Variants in CCDC50 observed in about 807,000 individuals in gnomAD.
The protein encoded by CCDC50 is coiled-coil domain-containing protein 50.
CCDC50 carries 54 observed loss-of-function variants against 70.2 expected under a neutral mutation model. That is an observed-to-expected ratio of 0.77 (90% CI 0.62 to 0.96). The LOEUF is 0.96. Ranked by LOEUF, CCDC50 falls within the 50% of genes least tolerant of loss-of-function variation. The pLI is 0.00. For synonymous variants in CCDC50, 216 were observed against 198.8 expected (o/e 1.09, Z -0.73); for missense variants, 558 against 578.7 (o/e 0.96, Z 0.37).
intron 1 of CCDC50, among the ~76,000 whole-genome samples, chr3:191,335,547 G>C (rs1711506274): frequency 6.6e-6 from 1 of 152,094 alleles, no homozygotes; most frequent in Non-Finnish European, 1.5e-5. Flanking sequence ...AGAGTTCTCA[G>C]ATATTGCTTT....
chr3:191,343,191 C>G (rs1233963306), intron 1 of CCDC50, among the ~76,000 whole-genome samples: 1 of 152,148 alleles, frequency 6.6e-6, no homozygotes, highest in Non-Finnish European at 1.5e-5. Context: ...AACCAGTCCC[C>G]CTCACGTATA....
At chr3:191,390,984 A>C (rs1300588887) in intron 11 of CCDC50, among the ~76,000 whole-genome samples, 27 of 152,224 alleles carry the variant, frequency 1.8e-4, no homozygotes, top group Admixed American at 1.8e-3. Context: ...AATGGTGAAA[A>C]GGTAGTTTCT....
Position 191,375,858 on chromosome 3 carries a change from T to G in CCDC50, c.976+269T>G, listed in dbSNP as rs117512232. ...GCCCAGGTTGTATTAGAGGTACCCA[T>G]TCCAGATATAGTTCTTCATTTACCG... On this transcript the variant is annotated intron_variant, in intron 6 of 11. Coordinates refer to ENST00000392455, the MANE Select transcript of CCDC50 (RefSeq NM_178335.3). 6.6e-5 allele frequency among the ~76,000 whole-genome samples: 10 copies of G among 152,292 alleles called. No individual in the cohort carries two copies. The East Asian group carries it at 1.2e-3, about 18-fold the overall frequency.
chr3:191,349,931 G>A (rs1298669051), intron 1 of CCDC50, among the ~76,000 whole-genome samples: 6 of 135,170 alleles, frequency 4.4e-5, no homozygotes, highest in African/African-American at 1.3e-4. Flanking sequence ...AGAACTTAAT[G>A]CCCATTTATC....
At chr3:191,333,937 AAAATT>A (rs1576945503) in intron 1 of CCDC50, among the ~76,000 whole-genome samples, 1 of 152,164 alleles carries the variant, frequency 6.6e-6, no homozygotes, top group East Asian at 1.9e-4. Context: ...ATTACATAGA[AAAATT>A]AAAGAAAGTA....
intron 4 of CCDC50, among the ~76,000 whole-genome samples, chr3:191,364,326 C>G (rs1712602353): frequency 1.3e-5 from 2 of 151,878 alleles, no homozygotes; most frequent in South Asian, 4.2e-4. Context: ...CTCAGCCTCC[C>G]AAAGTGCTGA....
rs761087160 is a variant in CCDC50, at chr3:191,397,744, A to G, written c.*5984A>G. ...TAGGAAGTGCCCCTTTGATATTTGGAATGTGGATATATTTATAAAACAAAT... is the reference window on the plus strand; with the variant it reads ...TAGGAAGTGCCCCTTTGATATTTGGGATGTGGATATATTTATAAAACAAAT... On this transcript the variant is annotated 3_prime_UTR_variant, in exon 12 of 12. Transcript: ENST00000392455. The G allele has an allele frequency of 6.6e-6, 1 of 152,212 alleles. No individual in the cohort carries two copies. Among genetic ancestry groups the G allele is most frequent in the Non-Finnish European group, 1.5e-5 (1 of 68,042 alleles). 9.4% of individuals were successfully genotyped at this position (152,212 alleles called of 1,614,324 possible). A position where few individuals can be genotyped will look rare whatever the true frequency, so the allele number is the denominator to read the frequency against.
At chr3:191,358,218 C>G in intron 3 of CCDC50, 94 bp downstream of exon 3, 1 of 1,425,660 alleles carries the variant, frequency 7.0e-7, no homozygotes, top group Non-Finnish European at 9.8e-7. Flanking sequence ...ACTTCTGTTC[C>G]TCTGATTCCT....
chr3:191,390,112 A>G (rs1713635768), intron 11 of CCDC50, among the ~76,000 whole-genome samples: 3 of 151,932 alleles, frequency 2.0e-5, no homozygotes, highest in Admixed American at 1.3e-4. Flanking sequence ...TGCCTCCCAA[A>G]GTGCTGGGAT....
rs78393737 is a variant in CCDC50, at chr3:191,356,780, A to G, written c.50-308A>G. On this transcript the variant is annotated intron_variant, in intron 1 of 11. Coordinates refer to ENST00000392455, the MANE Select transcript of CCDC50 (RefSeq NM_178335.3). ...CAGCAGCACTTAACCCTCCATTTAT[A>G]GAAGTGGATTGGAATTTCTAGACCT... is the stretch of plus-strand genomic sequence containing the variant. Among the ~76,000 whole-genome samples, 56 of 152,302 alleles carry G rather than the reference A, an allele frequency of 3.7e-4. 3 individuals carry two copies. In the East Asian group the frequency reaches 0.01, roughly 27 times the overall value.
Position 191,389,597 on chromosome 3 carries a change from A to G in CCDC50, c.1424A>G (p.His475Arg), listed in dbSNP as rs774373767. Residue 475 changes from histidine to arginine, a missense_variant, in exon 11 of 12, where the codon CAT (histidine) becomes CGT (arginine). By Grantham distance (29) the His-to-Arg change is conservative. Transcript: ENST00000392455. ...CATTTCTCAAAATCAGAGTCCTCTC[A>G]TAAAGGTAAGAAGAGTATGTATGGT... ...TRHFSKSESSHKGFHYKH is the reference protein window; with the variant it reads ...TRHFSKSESSRKGFHYKH The G allele has an allele frequency of 1.2e-6, 2 of 1,610,894 alleles. No individual in the cohort carries two copies. Among genetic ancestry groups the G allele is most frequent in the Non-Finnish European group, 8.5e-7 (1 of 1,177,028 alleles).
Position 191,391,818 on chromosome 3 carries a change from C to T in CCDC50, c.*58C>T. ...CTATAGCAAATATTACTGGGTGATA[C>T]AGAATGAATTCTACACTTACTTTTT... is the stretch of plus-strand genomic sequence containing the variant. On this transcript the variant is annotated 3_prime_UTR_variant, in exon 12 of 12. Transcript: ENST00000392455. The T allele has an allele frequency of 6.8e-7, 1 of 1,473,274 alleles. No homozygotes were observed. 91.3% of individuals were successfully genotyped at this position (1,473,274 alleles called of 1,614,324 possible). A position where few individuals can be genotyped will look rare whatever the true frequency, so the allele number is the denominator to read the frequency against.
At chr3:191,329,991 C>T (rs1312421957) in intron 1 of CCDC50, among the ~76,000 whole-genome samples, 1 of 150,846 alleles carries the variant, frequency 6.6e-6, no homozygotes, top group Non-Finnish European at 1.5e-5. Flanking sequence ...TGGCTGTGCC[C>T]GTGTTCTCGT....
chr3:191,380,425 C>A, intron 7 of CCDC50, 151 bp downstream of exon 7: 1 of 708,768 alleles, frequency 1.4e-6, no homozygotes, highest in Non-Finnish European at 2.5e-6. Flanking sequence ...ATAGAGTATC[C>A]ACTTTTGCTT....
At chr3:191,370,475 T>G in intron 5 of CCDC50, among the ~76,000 whole-genome samples, 1 of 130,744 alleles carries the variant, frequency 7.6e-6, no homozygotes, top group Non-Finnish European at 1.7e-5. Context: ...GTTTTTTTTG[T>G]TTGTTTTTTT....
chr3:191,386,673 C>G (rs545296585), intron 10 of CCDC50, among the ~76,000 whole-genome samples: 1 of 152,286 alleles, frequency 6.6e-6, no homozygotes, highest in Admixed American at 6.5e-5. Context: ...AGTAGCATTT[C>G]TATATTCCAG....
intron 4 of CCDC50, among the ~76,000 whole-genome samples, chr3:191,364,905 A>G (rs773459540): frequency 3.0e-4 from 45 of 151,742 alleles, no homozygotes; most frequent in Admixed American, 7.2e-4. Flanking sequence ...ACTCTTTTAC[A>G]TAGTTTCTCG....
At chr3:191,378,706 G>A (rs748128837) in intron 6 of CCDC50, among the ~76,000 whole-genome samples, 12 of 150,560 alleles carry the variant, frequency 8.0e-5, no homozygotes, top group African/African-American at 2.5e-5. Context: ...TATTTCAGAT[G>A]GTCCACTCTT....
intron 4 of CCDC50, among the ~76,000 whole-genome samples, chr3:191,362,308 A>G (rs1465064437): frequency 6.6e-6 from 1 of 151,080 alleles, no homozygotes; most frequent in Non-Finnish European, 1.5e-5. Context: ...TTTTTTTTGT[A>G]GAGACGAGGT....
Sources: gnomAD v4.1 joint callset for allele counts (sites outside exome capture counted in the v4.1 genomes callset) on GRCh38, gnomAD v4.1.1 for gene constraint, MANE v1.5 for transcripts, NCBI Gene and HGNC (gene_info 2026-07-23, HGNC 2026-07-21) for gene names.